SECISBP2: variants seen among roughly 807,000 people sequenced by gnomAD.
SECISBP2 encodes the protein SECIS binding protein 2.
A neutral mutation model predicts 98.2 loss-of-function variants in SECISBP2; 96 were observed. That is an observed-to-expected ratio of 0.98 (90% confidence interval 0.83 to 1.16). The LOEUF is 1.16. SECISBP2 is among the 50% of genes most tolerant of loss of function. The pLI is 0.00. For synonymous variants in SECISBP2, 407 were observed against 370.2 expected (o/e 1.10, Z -1.14); for missense variants, 1,046 against 1,022.9 (o/e 1.02, Z -0.31).
chr9:89,362,101 GCAGC>G, downstream of SECISBP2: 1 of 556,766 alleles, frequency 1.8e-6, no homozygotes, highest in Non-Finnish European at 3.2e-6. Context: ...TAGTTCACGA[GCAGC>G]TATCAAAGCC....
chr9:89,349,904 A>G lies in SECISBP2; in HGVS notation c.1867A>G (p.Lys623Glu), dbSNP rs553061494. The change falls in exon 13 of 17, where the codon AAG (lysine) becomes GAG (glutamate). Residue 623 changes from lysine (K) to glutamate (E), a missense_variant. Coordinates refer to ENST00000375807, the MANE Select transcript of SECISBP2 (RefSeq NM_024077.5). ...TGCTCCCAATCACACCACCTTCCCTAAGATCCACAGCCGCAGATTCAGGGA... is the reference window on the plus strand; with the variant it reads ...TGCTCCCAATCACACCACCTTCCCTGAGATCCACAGCCGCAGATTCAGGGA... ...HLAPNHTTFPKIHSRRFRDYC... is the reference protein window; with the variant it reads ...HLAPNHTTFPEIHSRRFRDYC... The G allele has an allele frequency of 1.1e-5, 18 of 1,614,168 alleles. No individual in the cohort carries two copies. In the African/African-American group the frequency reaches 1.6e-4, roughly 14 times the overall value.
intron 10 of SECISBP2, among the ~76,000 whole-genome samples, chr9:89,343,058 C>T (rs1367952384): frequency 6.6e-6 from 1 of 152,016 alleles, no homozygotes; most frequent in Non-Finnish European, 1.5e-5. Context: ...TAGAAGTGTC[C>T]TGAGTTTCTG....
At position 89,326,779 on chromosome 9, in the gene SECISBP2, G is replaced by A. The variant is rs147191568; in HGVS notation, c.574+741G>A. On this transcript the variant is annotated intron_variant, in intron 4 of 16. Transcript: ENST00000375807. ...CCACCTAGCTAGGCTATATGATATA[G>A]CCTGTTGTTCCTAGGTTATAAACCT... Among the ~76,000 whole-genome samples, 335 of 152,244 alleles carry A rather than the reference G, an allele frequency of 2.2e-3. 2 individuals are homozygous for A. Among genetic ancestry groups the A allele is most frequent in the African/African-American group, 7.8e-3 (322 of 41,534 alleles).
intron 5 of SECISBP2, chr9:89,329,167 C>T (rs1827302603): frequency 7.6e-6 from 3 of 392,902 alleles, no homozygotes; most frequent in Non-Finnish European, 1.4e-5. Context: ...GGCTGCAGTG[C>T]AGTGGCACGA....
At chr9:89,339,649 A>G (rs1228820124) in intron 8 of SECISBP2, among the ~76,000 whole-genome samples, 1 of 151,846 alleles carries the variant, frequency 6.6e-6, no homozygotes, top group Non-Finnish European at 1.5e-5. Context: ...TGTTGGTGAC[A>G]CTCTTTTTTT....
intron 14 of SECISBP2, chr9:89,355,196 T>C (rs1810108358): frequency 6.1e-6 from 6 of 985,476 alleles, no homozygotes; most frequent in Non-Finnish European, 6.0e-6. Flanking sequence ...GATCGATATG[T>C]AAGTAGATTC....
At chr9:89,325,752 T>G in intron 3 of SECISBP2, 76 bp downstream of exon 3, 1 of 1,603,416 alleles carries the variant, frequency 6.2e-7, no homozygotes, top group South Asian at 1.1e-5. Flanking sequence ...ATGGTAAATT[T>G]GTACATCATA....
chr9:89,345,574 G>A (rs1830302660), intron 10 of SECISBP2, among the ~76,000 whole-genome samples: 1 of 152,208 alleles, frequency 6.6e-6, no homozygotes, highest in African/African-American at 2.4e-5. Context: ...GAACTTCGTG[G>A]TTGTTTTTGT....
Position 89,341,465 on chromosome 9 carries a change from C to T in SECISBP2, c.1421C>T (p.Pro474Leu). Residue 474 changes from proline to leucine, a missense_variant, in exon 10 of 17, where the codon CCA becomes CTA. Coordinates refer to ENST00000375807, the MANE Select transcript of SECISBP2 (RefSeq NM_024077.5). Reference sequence around the variant, plus strand: ...CAGCATGCAAAGCAGTCCTCCAAACCAGTGGTAGTCTCAGGTAAGAGAGTC... The same window carrying T: ...CAGCATGCAAAGCAGTCCTCCAAACTAGTGGTAGTCTCAGGTAAGAGAGTC... The part of the protein sequence containing the change: ...HSQHAKQSSK[P>L]VVVSVGAVPV... 6.2e-7 allele frequency: 1 copy of T among 1,614,138 alleles called. No homozygotes were observed. The highest frequency in any genetic ancestry group is 2.2e-5 in the East Asian group (1 of 44,862).
At chr9:89,334,753 A>G (rs1298758075) in intron 7 of SECISBP2, 23 bp downstream of exon 7, 8 of 1,583,204 alleles carry the variant, frequency 5.1e-6, no homozygotes, top group Non-Finnish European at 6.9e-6. Context: ...AGAGACAGAA[A>G]GTAGGATGGT....
At chr9:89,342,416 G>A (rs979547259) in intron 10 of SECISBP2, among the ~76,000 whole-genome samples, 2 of 152,176 alleles carry the variant, frequency 1.3e-5, no homozygotes, top group African/African-American at 4.8e-5. Context: ...ACATGACTCA[G>A]CGATTTCACT....
At chr9:89,338,657 G>A in intron 8 of SECISBP2, 77 bp downstream of exon 8, 2 of 1,449,396 alleles carry the variant, frequency 1.4e-6, no homozygotes, top group East Asian at 2.3e-5. Flanking sequence ...GTTCATATTG[G>A]TTTCCTAAGT....
rs1826632912 is a variant in SECISBP2, at chr9:89,326,022, G to C, written c.558G>C (p.Glu186Asp). ...RGSHHLSIYA[E>D]NSLKSDGYHK... ...CACATCATTTGTCCATTTACGCTGA[G>C]AATAGTTTGAAATCAGGTAAAAATA... Residue 186 changes from glutamate (E) to aspartate (D), a missense_variant, in exon 4 of 17, where the codon GAG (glutamate) becomes GAC (aspartate). Transcript: ENST00000375807. The C allele has an allele frequency of 2.5e-6, 4 of 1,613,160 alleles. No individual in the cohort carries two copies. Among genetic ancestry groups the C allele is most frequent in the Non-Finnish European group, 2.5e-6 (3 of 1,180,008 alleles).
intron 4 of SECISBP2, 108 bp downstream of exon 4, chr9:89,326,146 C>G (rs1826666767): frequency 1.1e-5 from 15 of 1,357,954 alleles, no homozygotes; most frequent in Non-Finnish European, 1.6e-5. Context: ...TGTGACTACT[C>G]CAAGAAATGA....
chr9:89,319,584 T>G, intron 1 of SECISBP2, 68 bp from the exon 2 acceptor site: 1 of 1,565,114 alleles, frequency 6.4e-7, no homozygotes, highest in Non-Finnish European at 8.8e-7. Context: ...ACCTCTTGGG[T>G]CTTTTTGTTT....
rs796914325 is a variant in SECISBP2, at chr9:89,336,382, C to CT, written c.1089+1662dup. On this transcript the variant is annotated intron_variant, in intron 7 of 16. Transcript: ENST00000375807. ...TTCCTAGAACTGTTTCTTCAAGAGC[C>CT]TTTTTTTTTTATTGGTCTAAATATG... Among the ~76,000 whole-genome samples the CT allele has an allele frequency of 8.6e-3, 1,259 of 146,554 alleles. 21 individuals are homozygous for CT. The highest frequency in any genetic ancestry group is 0.029 in the African/African-American group (1,177 of 40,044).
At chr9:89,350,588 T>G (rs750842557) in intron 13 of SECISBP2, 44 bp from the exon 14 acceptor site, 1 of 1,553,432 alleles carries the variant, frequency 6.4e-7, no homozygotes, top group Non-Finnish European at 8.9e-7. Flanking sequence ...TGCTGCAGTG[T>G]CACAGCCAGT....
Position 89,341,460 on chromosome 9 carries a change from C to G in SECISBP2, c.1416C>G (p.Ser472=), listed in dbSNP as rs968581264. 6 of 1,614,134 alleles carry G rather than the reference C, an allele frequency of 3.7e-6. No homozygotes were observed. Among genetic ancestry groups the G allele is most frequent in the African/African-American group, 1.3e-5 (1 of 75,038 alleles). ...KQHSQHAKQS[S]KPVVVSVGAV... is the part of the protein sequence containing the mutation. ...ACTCTCAGCATGCAAAGCAGTCCTC[C>G]AAACCAGTGGTAGTCTCAGGTAAGA... Residue 472 remains serine (S), a synonymous_variant, in exon 10 of 17, where the codon TCC becomes TCG. Coordinates refer to ENST00000375807, the MANE Select transcript of SECISBP2 (RefSeq NM_024077.5).
At chr9:89,339,244 C>T (rs1279787457) in intron 8 of SECISBP2, among the ~76,000 whole-genome samples, 1 of 152,196 alleles carries the variant, frequency 6.6e-6, no homozygotes, top group African/African-American at 2.4e-5. Flanking sequence ...CCCAGGCATT[C>T]CCACAGACTT....
Sources: gnomAD v4.1 joint callset for allele counts (sites outside exome capture counted in the v4.1 genomes callset) on GRCh38, gnomAD v4.1.1 for gene constraint, MANE v1.5 for transcripts, NCBI Gene and HGNC (gene_info 2026-07-23, HGNC 2026-07-21) for gene names.